Variants in EYA4 observed in about 807,000 individuals in gnomAD.
The protein encoded by EYA4 is EYA transcriptional coactivator and phosphatase 4.
A neutral mutation model predicts 87.9 loss-of-function variants in EYA4; 31 were observed. The ratio of observed to expected loss-of-function variants is 0.35; its 90% CI spans 0.27 to 0.48. EYA4 has a LOEUF of 0.48. EYA4 is among the 20% of genes least tolerant of loss of function. The probability of loss-of-function intolerance (pLI) is 0.99; values close to 1 mark genes in which losing one functional copy is unlikely to be tolerated. For missense variants in EYA4, 678 were observed against 761.4 expected (o/e 0.89, Z 1.29); for synonymous variants, 263 against 270.6 (o/e 0.97, Z 0.28).
At chr6:133,295,822 C>T (rs1256968854) in intron 2 of EYA4, among the ~76,000 whole-genome samples, 2 of 152,142 alleles carry the variant, frequency 1.3e-5, no homozygotes, top group Non-Finnish European at 2.9e-5. Context: ...TTCAGCCCTT[C>T]CCATTGCCAG....
chr6:133,347,946 A>G (rs139718281), intron 2 of EYA4, among the ~76,000 whole-genome samples: 1 of 152,200 alleles, frequency 6.6e-6, no homozygotes. Context: ...TTTCCGTATG[A>G]TATGGTGGTG....
chr6:133,274,939 T>C, intron 2 of EYA4, 126 bp downstream of exon 2: 2 of 784,752 alleles, frequency 2.5e-6, no homozygotes, highest in Non-Finnish European at 4.2e-6. Context: ...TTTTTGAATT[T>C]CCTTTCAAAG....
intron 3 of EYA4, among the ~76,000 whole-genome samples, chr6:133,390,132 T>G (rs1787128520): frequency 6.6e-6 from 1 of 152,234 alleles, no homozygotes; most frequent in Non-Finnish European, 1.5e-5. Flanking sequence ...AGTAAAAATG[T>G]GAAAATATAC....
At chr6:133,512,216 T>C (rs541594923) in intron 14 of EYA4, among the ~76,000 whole-genome samples, 1 of 152,324 alleles carries the variant, frequency 6.6e-6, no homozygotes, top group Non-Finnish European at 1.5e-5. Flanking sequence ...CATGGTTCTT[T>C]CATGGTTCTG....
chr6:133,303,230 G>A (rs535707936), intron 2 of EYA4, among the ~76,000 whole-genome samples: 2 of 152,162 alleles, frequency 1.3e-5, no homozygotes, highest in South Asian at 2.1e-4. Flanking sequence ...GTGTATTGTC[G>A]GTGATGCTTT....
chr6:133,530,906 A>C lies in EYA4; in HGVS notation c.*2101A>C. On this transcript the variant is annotated 3_prime_UTR_variant, in exon 20 of 20. Coordinates refer to ENST00000355286, the MANE Select transcript of EYA4 (RefSeq NM_004100.5). ...TTAGCTTGAAAATAGCAGTTAAAAA[A>C]ATTTAAATGTTGCCTTGATTATCAG... 10 of 1,102,698 alleles carry C rather than the reference A, an allele frequency of 9.1e-6. No homozygotes were observed. The highest frequency in any genetic ancestry group is 1.1e-5 in the Non-Finnish European group (10 of 905,374). 68.3% of individuals were successfully genotyped at this position (1,102,698 alleles called of 1,614,324 possible).
rs4895380 is a variant in EYA4 at position 133,281,910 on chromosome 6, G to A, written c.33+7097G>A. Among the ~76,000 whole-genome samples, 581 of 152,040 alleles carry A rather than the reference G, an allele frequency of 3.8e-3. 12 individuals are homozygous for A. The East Asian group carries it at 0.048, about 13-fold the overall frequency. On this transcript the variant is annotated intron_variant, in intron 2 of 19. Coordinates refer to ENST00000355286, the MANE Select transcript of EYA4 (RefSeq NM_004100.5). Reference sequence around the variant, plus strand: ...CCTGTGTTGATTCACTTAGGATGATGGCCTCCAGCTGCATCCATATGGCTG... The same window carrying A: ...CCTGTGTTGATTCACTTAGGATGATAGCCTCCAGCTGCATCCATATGGCTG...
intron 3 of EYA4, among the ~76,000 whole-genome samples, chr6:133,425,086 C>T (rs1790552128): frequency 6.6e-6 from 1 of 150,836 alleles, no homozygotes; most frequent in African/African-American, 2.5e-5. Flanking sequence ...GGTGGTACTA[C>T]AGTTTATCTA....
intron 3 of EYA4, among the ~76,000 whole-genome samples, chr6:133,419,057 G>A (rs1458666717): frequency 1.3e-5 from 2 of 152,136 alleles, no homozygotes; most frequent in Non-Finnish European, 2.9e-5. Flanking sequence ...TAATTATCCA[G>A]TAGAAAGTCA....
intron 1 of EYA4, among the ~76,000 whole-genome samples, chr6:133,254,379 C>G (rs1038046562): frequency 1.3e-5 from 2 of 152,076 alleles, no homozygotes; most frequent in African/African-American, 4.8e-5. Context: ...CCAAAAATCC[C>G]AGATGTATCT....
intron 3 of EYA4, among the ~76,000 whole-genome samples, chr6:133,421,777 A>G (rs1165565121): frequency 1.3e-5 from 2 of 152,192 alleles, no homozygotes; most frequent in East Asian, 1.9e-4. Context: ...TGTATGCAGG[A>G]TCAGCTTAAT....
rs776040329 is a variant in EYA4, at chr6:133,462,623, T to C, written c.583T>C (p.Leu195=). ...GQPYSLPTYD[L]GVMLPAIKTE... ...TACACATTCAATTTTCTGAACAGAT[T>C]TGGGTGTGATGTTGCCAGCCATCAA... The change falls in exon 9 of 20, where the codon TTG becomes CTG. Residue 195 remains leucine, a splice_region_variant and synonymous_variant. Coordinates refer to ENST00000355286, the MANE Select transcript of EYA4 (RefSeq NM_004100.5). 1.9e-6 allele frequency: 3 copies of C among 1,613,938 alleles called. No homozygotes were observed. The highest frequency in any genetic ancestry group is 2.5e-6 in the Non-Finnish European group (3 of 1,179,950).
chr6:133,277,581 C>T (rs1777282116), intron 2 of EYA4, among the ~76,000 whole-genome samples: 2 of 152,172 alleles, frequency 1.3e-5, no homozygotes, highest in Admixed American at 1.3e-4. Flanking sequence ...TCACAAATAC[C>T]TGAGATATTC....
At chr6:133,503,006 A>G (rs1431109104) in intron 13 of EYA4, among the ~76,000 whole-genome samples, 1 of 152,234 alleles carries the variant, frequency 6.6e-6, no homozygotes, top group Non-Finnish European at 1.5e-5. Flanking sequence ...GAATCTCCAC[A>G]GCTTGAAAAA....
chr6:133,275,741 G>T (rs1292146572), intron 2 of EYA4, among the ~76,000 whole-genome samples: 5 of 151,946 alleles, frequency 3.3e-5, no homozygotes, highest in African/African-American at 9.7e-5. Flanking sequence ...GATTTGATTT[G>T]CTTTCTAGTG....
At chr6:133,309,650 C>T (rs1458976735) in intron 2 of EYA4, among the ~76,000 whole-genome samples, 4 of 152,204 alleles carry the variant, frequency 2.6e-5, no homozygotes, top group East Asian at 1.9e-4. Context: ...AACCATGTGC[C>T]GCAGTAAGAT....
chr6:133,385,440 T>TGA lies in EYA4; in HGVS notation c.83+3016_83+3017dup, dbSNP rs757918130. Among the ~76,000 whole-genome samples the TGA allele has an allele frequency of 2.2e-3, 231 of 103,922 alleles. 1 individual carries two copies. The highest frequency in any genetic ancestry group is 0.011 in the Middle Eastern group (2 of 178). 68.2% of individuals were successfully genotyped at this position (103,922 alleles called of 152,430 possible). On this transcript the variant is annotated intron_variant, in intron 3 of 19. Transcript: ENST00000355286. Reference sequence around the variant, plus strand: ...GTGTGTGTGTGTGTGTGTGTGTGTGTGAGAGAGAGAGAGAGAGATTCAGAT... The same window carrying TGA: ...GTGTGTGTGTGTGTGTGTGTGTGTGTGAGAGAGAGAGAGAGAGAGATTCAGAT...
At chr6:133,280,188 C>T (rs1215300404) in intron 2 of EYA4, among the ~76,000 whole-genome samples, 1 of 152,124 alleles carries the variant, frequency 6.6e-6, no homozygotes, top group Middle Eastern at 3.2e-3. Flanking sequence ...TACTATCCAA[C>T]TGAATAACAT....
At chr6:133,440,697 G>A (rs1792187405) in intron 3 of EYA4, among the ~76,000 whole-genome samples, 1 of 152,152 alleles carries the variant, frequency 6.6e-6, no homozygotes, top group Non-Finnish European at 1.5e-5. Flanking sequence ...AGCTAAAATT[G>A]TGAAGGGGAA....
Sources: allele counts gnomAD v4.1 joint callset (sites outside exome capture counted in the v4.1 genomes callset), GRCh38; gene constraint gnomAD v4.1.1; transcripts MANE v1.5; gene names NCBI Gene and HGNC (gene_info 2026-07-23, HGNC 2026-07-21).